Variants in FGF1 observed in about 807,000 individuals in gnomAD.
The protein encoded by FGF1 is beta-endothelial cell growth factor.
A neutral mutation model predicts 13.4 loss-of-function variants in FGF1; 9 were observed. The observed-to-expected ratio is 0.67, with a 90% confidence interval of 0.40 to 1.17. The LOEUF (loss-of-function observed/expected upper bound fraction) is 1.17, where lower values mean the gene tolerates loss of function less well. Among genes scored for constraint, FGF1 ranks in the 50% most tolerant of loss-of-function variants. The pLI, the probability that FGF1 is intolerant of heterozygous loss-of-function variation, is 0.01. For missense variants in FGF1, 156 were observed against 192.7 expected (o/e 0.81, Z 1.13); for synonymous variants, 93 against 79.0 (o/e 1.18, Z -0.94).
chr5:142,634,044 G>C (rs13156696), intron 1 of FGF1, among the ~76,000 whole-genome samples: 1 of 130,154 alleles, frequency 7.7e-6, no homozygotes, highest in Non-Finnish European at 1.7e-5. Flanking sequence ...AAAAAAAAAA[G>C]TAGCTGGACG....
chr5:142,667,417 T>C (rs1367680348), intron 1 of FGF1, among the ~76,000 whole-genome samples: 2 of 150,046 alleles, frequency 1.3e-5, no homozygotes, highest in South Asian at 2.1e-4. Flanking sequence ...AAACCCCGTC[T>C]CTACTAAAAA....
At chr5:142,668,022 A>C (rs890566647) in intron 1 of FGF1, among the ~76,000 whole-genome samples, 1 of 152,190 alleles carries the variant, frequency 6.6e-6, no homozygotes, top group Non-Finnish European at 1.5e-5. Context: ...TCTGGAGCTG[A>C]GCAGGCAGGC....
At chr5:142,692,863 A>T (rs189553320) in intron 2 of FGF1, among the ~76,000 whole-genome samples, 16 of 146,134 alleles carry the variant, frequency 1.1e-4, no homozygotes, top group African/African-American at 3.7e-4. Context: ...AACAAACCCA[A>T]TCTGGATCCC....
chr5:142,593,534 T>G lies in FGF1; in HGVS notation c.*1756A>C, dbSNP rs17217625. On this transcript the variant is annotated 3_prime_UTR_variant, in exon 4 of 4. Coordinates refer to ENST00000337706, the MANE Select transcript of FGF1 (RefSeq NM_000800.5). ...GAATTGTTTTTAGTTAACAATTACT[T>G]CAATTTCATATGAAACAGGAGCTAA... 504 of 152,328 alleles carry G rather than the reference T, an allele frequency of 3.3e-3. 3 individuals are homozygous for G. Among genetic ancestry groups the G allele is most frequent in the African/African-American group, 0.011 (462 of 41,560 alleles). The allele number at this position is 152,328 out of a possible 1,614,324, so 9.4% of individuals were successfully genotyped here.
chr5:142,679,612 C>T (rs2152047134), intron 1 of FGF1, among the ~76,000 whole-genome samples: 1 of 152,258 alleles, frequency 6.6e-6, no homozygotes, highest in South Asian at 2.1e-4. Context: ...CTCAGTAGGC[C>T]CATCCCAATC....
intron 1 of FGF1, among the ~76,000 whole-genome samples, chr5:142,648,246 T>C (rs1766542945): frequency 6.6e-6 from 1 of 151,792 alleles, no homozygotes; most frequent in Non-Finnish European, 1.5e-5. Flanking sequence ...AGCAAAGACT[T>C]GGAACCAACC....
At chr5:142,682,548 A>G (rs1773909804) in intron 1 of FGF1, among the ~76,000 whole-genome samples, 1 of 152,208 alleles carries the variant, frequency 6.6e-6, no homozygotes. Context: ...TGAGGAAACC[A>G]AGGGCCAAAG....
chr5:142,618,095 G>A (rs1339128211), intron 1 of FGF1, among the ~76,000 whole-genome samples: 1 of 152,182 alleles, frequency 6.6e-6, no homozygotes, highest in Non-Finnish European at 1.5e-5. Context: ...GCTGGGAAAT[G>A]GAGAAGATCA....
At chr5:142,616,040 C>A (rs541567468) in intron 1 of FGF1, among the ~76,000 whole-genome samples, 13 of 152,216 alleles carry the variant, frequency 8.5e-5, no homozygotes, top group Non-Finnish European at 1.9e-4. Flanking sequence ...AAGCCCACCC[C>A]AGCAGCTTCG....
At chr5:142,670,770 C>G (rs1771306255) in intron 1 of FGF1, among the ~76,000 whole-genome samples, 1 of 152,220 alleles carries the variant, frequency 6.6e-6, no homozygotes, top group Non-Finnish European at 1.5e-5. Flanking sequence ...GGGTTTTGCC[C>G]TGCAATTAAT....
intron 2 of FGF1, among the ~76,000 whole-genome samples, chr5:142,611,820 G>A (rs1342903645): frequency 1.3e-5 from 2 of 152,136 alleles, no homozygotes; most frequent in Non-Finnish European, 2.9e-5. Flanking sequence ...TTCCTGGGTG[G>A]CAGTACTGTT....
At chr5:142,694,857 G>A (rs960893091) in intron 2 of FGF1, among the ~76,000 whole-genome samples, 3 of 146,566 alleles carry the variant, frequency 2.0e-5, no homozygotes, top group Non-Finnish European at 4.5e-5. Context: ...GCAGGGGAGT[G>A]ACCCCTCACC....
chr5:142,606,218 C>CTCTGTGTGTG (rs151219206), intron 2 of FGF1, among the ~76,000 whole-genome samples: 10,372 of 142,978 alleles, frequency 0.073, 532 homozygotes, highest in African/African-American at 0.14. Context: ...CTTTCTCTCT[C>CTCTGTGTGTG]TGTGTGTGTG....
intron 1 of FGF1, among the ~76,000 whole-genome samples, chr5:142,668,461 C>T (rs1355824238): frequency 6.6e-6 from 1 of 152,200 alleles, no homozygotes; most frequent in Non-Finnish European, 1.5e-5. Flanking sequence ...CTGTCCCATC[C>T]TCTTGACACC....
intron 2 of FGF1, among the ~76,000 whole-genome samples, chr5:142,692,677 G>A (rs1024344755): frequency 4.1e-5 from 6 of 146,728 alleles, no homozygotes; most frequent in South Asian, 2.2e-4. Flanking sequence ...ACACACACAC[G>A]CACACACGCA....
At chr5:142,671,827 G>A (rs926062670) in intron 1 of FGF1, 3 of 152,146 alleles carry the variant, frequency 2.0e-5, no homozygotes, top group African/African-American at 7.2e-5. Context: ...TGTTTTACCT[G>A]ATTACATCCT....
At chr5:142,683,076 A>G (rs1774011467) in intron 1 of FGF1, among the ~76,000 whole-genome samples, 1 of 152,232 alleles carries the variant, frequency 6.6e-6, no homozygotes, top group African/African-American at 2.4e-5. Flanking sequence ...TTCTTCAGAA[A>G]AAGTACTCTC....
intron 1 of FGF1, among the ~76,000 whole-genome samples, chr5:142,658,542 T>C (rs1403649983): frequency 2.6e-5 from 4 of 152,192 alleles, no homozygotes; most frequent in Non-Finnish European, 5.9e-5. Flanking sequence ...GGAGATACCT[T>C]TGTGAATAAG....
At chr5:142,679,372 C>T (rs181312330) in intron 1 of FGF1, among the ~76,000 whole-genome samples, 1 of 152,350 alleles carries the variant, frequency 6.6e-6, no homozygotes, top group African/African-American at 2.4e-5. Flanking sequence ...GCCTCACCTC[C>T]TCATGGAAGC....
Sources: gnomAD v4.1 joint callset for allele counts (sites outside exome capture counted in the v4.1 genomes callset) on GRCh38, gnomAD v4.1.1 for gene constraint, MANE v1.5 for transcripts, NCBI Gene and HGNC (gene_info 2026-07-23, HGNC 2026-07-21) for gene names.